PSMF1: variants seen among roughly 807,000 people sequenced by gnomAD.
PSMF1 encodes proteasome inhibitor PI31 subunit.
PSMF1 carries 30 observed loss-of-function variants against 29.3 expected under a neutral mutation model. That is an observed-to-expected ratio of 1.02 (90% CI 0.77 to 1.39). The LOEUF is 1.39. Among genes scored for constraint, PSMF1 ranks in the 40% most tolerant of loss-of-function variants. PSMF1 has a pLI of 0.00. For synonymous variants in PSMF1, 134 were observed against 139.7 expected (o/e 0.96, Z 0.29); for missense variants, 344 against 357.5 (o/e 0.96, Z 0.31).
chr20:1,147,858 TG>T (rs1213214169), intron 4 of PSMF1, among the ~76,000 whole-genome samples: 3 of 152,116 alleles, frequency 2.0e-5, no homozygotes, highest in Admixed American at 2.0e-4. Flanking sequence ...TGCCCAGTTT[TG>T]GGGGGAGGCC....
rs575553782 is a variant in PSMF1, at chr20:1,165,514, C to T, written c.*434C>T. On this transcript the variant is annotated 3_prime_UTR_variant, in exon 7 of 7. Coordinates refer to ENST00000335877, the MANE Select transcript of PSMF1 (RefSeq NM_006814.5). ...TTTTACATTAATGCATAGCTGCTTC[C>T]ATTTATGAGACTTTAGAGTTTGAGT... 3 of 1,006,274 alleles carry T rather than the reference C, an allele frequency of 3.0e-6. No homozygotes were observed. Among genetic ancestry groups the T allele is most frequent in the Admixed American group, 1.1e-4 (2 of 18,504 alleles). 62.3% of individuals were successfully genotyped at this position (1,006,274 alleles called of 1,614,324 possible). A position where few individuals can be genotyped will look rare whatever the true frequency, so the allele number is the denominator to read the frequency against.
At chr20:1,130,979 A>G (rs1267118035) in intron 3 of PSMF1, among the ~76,000 whole-genome samples, 1 of 152,164 alleles carries the variant, frequency 6.6e-6, no homozygotes, top group Non-Finnish European at 1.5e-5. Context: ...TCTGCATGCA[A>G]TAGACAAAGG....
chr20:1,129,984 T>C (rs778879712), intron 3 of PSMF1, among the ~76,000 whole-genome samples: 6 of 152,244 alleles, frequency 3.9e-5, no homozygotes, highest in Non-Finnish European at 8.8e-5. Context: ...TAGAATATTA[T>C]TCGGCTTTAA....
rs528474633 is a variant in PSMF1, at chr20:1,171,056, C to A, written c.*5976C>A. Among the ~76,000 whole-genome samples the A allele has an allele frequency of 1.8e-4, 27 of 152,238 alleles. No individual in the cohort carries two copies. The Middle Eastern group carries it at 0.014, about 77-fold the overall frequency. ...CCTCACATCCTCTCTAGGTGAGGTG[C>A]ATGGGTCCCTGGGCAAAACCCATTC... On this transcript the variant is annotated 3_prime_UTR_variant, in exon 7 of 7. Transcript: ENST00000335877.
At chr20:1,145,930 T>A (rs2086443837) in intron 4 of PSMF1, among the ~76,000 whole-genome samples, 1 of 152,246 alleles carries the variant, frequency 6.6e-6, no homozygotes, top group South Asian at 2.1e-4. Flanking sequence ...TTTTGTCTGA[T>A]GCCAAGATTA....
At position 1,166,008 on chromosome 20, in the gene PSMF1, CTG is replaced by C. The variant is rs147857520; in HGVS notation, c.*929_*930del. On this transcript the variant is annotated 3_prime_UTR_variant, in exon 7 of 7. Coordinates refer to ENST00000335877, the MANE Select transcript of PSMF1 (RefSeq NM_006814.5). Reference sequence around the variant, plus strand: ...TTCTGTGTTTGGTAACCCCTATAAACTGGGGCAGAGGAAAAGAATGATGGTTC... The same window carrying C: ...TTCTGTGTTTGGTAACCCCTATAAACGGGCAGAGGAAAAGAATGATGGTTC... The C allele has an allele frequency of 4.6e-4, 655 of 1,426,818 alleles. 4 individuals carry two copies. In the East Asian group the frequency reaches 0.015, roughly 33 times the overall value. 88.4% of individuals were successfully genotyped at this position (1,426,818 alleles called of 1,614,324 possible). A position where few individuals can be genotyped will look rare whatever the true frequency, so the allele number is the denominator to read the frequency against.
intron 4 of PSMF1, among the ~76,000 whole-genome samples, chr20:1,146,840 C>T (rs2086456039): frequency 1.3e-5 from 2 of 152,184 alleles, no homozygotes; most frequent in Admixed American, 6.5e-5. Context: ...TGAATGTGAT[C>T]GTGGATATCA....
At position 1,163,056 on chromosome 20, in the gene PSMF1, G is replaced by A. The variant is rs2086686052; in HGVS notation, c.552-74G>A. ...GCAAGGGTTTCCCATGCCTGTGAGTGTGTTTGTGATCCCACATGTATCAGG... is the reference window on the plus strand; with the variant it reads ...GCAAGGGTTTCCCATGCCTGTGAGTATGTTTGTGATCCCACATGTATCAGG... On this transcript the variant is annotated intron_variant, in intron 4 of 6. Transcript: ENST00000335877. The surrounding 1 kb of genome is among the most constrained non-coding windows in gnomAD (Gnocchi z 6.1). 18 of 1,525,784 alleles carry A rather than the reference G, an allele frequency of 1.2e-5. No homozygotes were observed. Among genetic ancestry groups the A allele is most frequent in the African/African-American group, 1.4e-5 (1 of 72,740 alleles). 94.5% of individuals were successfully genotyped at this position (1,525,784 alleles called of 1,614,324 possible).
intron 3 of PSMF1, among the ~76,000 whole-genome samples, chr20:1,134,594 A>T (rs1421438615): frequency 6.6e-6 from 1 of 152,104 alleles, no homozygotes; most frequent in East Asian, 1.9e-4. Context: ...CTTGTCTCTC[A>T]CAGGCATAGA....
In PSMF1 at chr20:1,164,546, A is replaced by T; in HGVS notation, c.764+70A>T. The T allele has an allele frequency of 1.3e-6, 2 of 1,580,196 alleles. No homozygotes were observed. The highest frequency in any genetic ancestry group is 1.7e-6 in the Non-Finnish European group (2 of 1,154,566). ...GCTTGGTTCAGTGTGGCAGCAATGA[A>T]GGTTTCTAGCCCCAGGCACAGAGCT... is the stretch of plus-strand genomic sequence containing the variant. On this transcript the variant is annotated intron_variant, in intron 6 of 6. Transcript: ENST00000335877. This position sits in a 1 kb window ranked among gnomAD's most constrained non-coding sequence, Gnocchi z 4.1.
intron 4 of PSMF1, chr20:1,161,057 C>T: frequency 2.2e-6 from 1 of 457,110 alleles, no homozygotes; most frequent in Non-Finnish European, 3.8e-6. Context: ...CGGAGTCACA[C>T]ACACGGTGCC....
chr20:1,142,085 G>T (rs2086387880), intron 4 of PSMF1, among the ~76,000 whole-genome samples: 1 of 151,996 alleles, frequency 6.6e-6, no homozygotes, highest in Non-Finnish European at 1.5e-5. Flanking sequence ...AGCCAGGTGT[G>T]GTGGCGCACG....
intron 4 of PSMF1, among the ~76,000 whole-genome samples, chr20:1,143,565 C>T (rs1005003246): frequency 6.6e-6 from 1 of 152,154 alleles, no homozygotes; most frequent in Non-Finnish European, 1.5e-5. Context: ...GTGTCTCAGG[C>T]TTGGTGAAGA....
intron 4 of PSMF1, among the ~76,000 whole-genome samples, chr20:1,136,170 G>T (rs911674602): frequency 2.0e-5 from 3 of 152,196 alleles, no homozygotes; most frequent in Non-Finnish European, 2.9e-5. Flanking sequence ...CCTGTGAAGA[G>T]AATGGAGAAT....
At chr20:1,113,683 T>C (rs1008740762), upstream of PSMF1, among the ~76,000 whole-genome samples, 1 of 151,748 alleles carries the variant, frequency 6.6e-6, no homozygotes, top group Non-Finnish European at 1.5e-5. Flanking sequence ...TTTCTTCTTC[T>C]TCTTTTTTTT....
chr20:1,165,364 G>T lies in PSMF1; in HGVS notation c.*284G>T. ...CTCTCCACTTCCCAAGGGAGACTCCGGCAACCTTCAGCAACATATATCCTC... is the reference window on the plus strand; with the variant it reads ...CTCTCCACTTCCCAAGGGAGACTCCTGCAACCTTCAGCAACATATATCCTC... On this transcript the variant is annotated 3_prime_UTR_variant, in exon 7 of 7. Coordinates refer to ENST00000335877, the MANE Select transcript of PSMF1 (RefSeq NM_006814.5). 2 of 1,338,302 alleles carry T rather than the reference G, an allele frequency of 1.5e-6. No individual in the cohort carries two copies. Among genetic ancestry groups the T allele is most frequent in the Non-Finnish European group, 1.9e-6 (2 of 1,045,282 alleles). 82.9% of individuals were successfully genotyped at this position (1,338,302 alleles called of 1,614,324 possible). A position where few individuals can be genotyped will look rare whatever the true frequency, so the allele number is the denominator to read the frequency against.
chr20:1,164,963 C>A lies in PSMF1; in HGVS notation c.765-66C>A. ...AGGGCAGGCTCCCTCAGTGCAGGGTCATGTCTGCCCATGTTCCCCTGGTCT... is the reference window on the plus strand; with the variant it reads ...AGGGCAGGCTCCCTCAGTGCAGGGTAATGTCTGCCCATGTTCCCCTGGTCT... On this transcript the variant is annotated intron_variant, in intron 6 of 6. Transcript: ENST00000335877. This position sits in a 1 kb window ranked among gnomAD's most constrained non-coding sequence, Gnocchi z 4.1. 1 of 1,374,322 alleles carries A rather than the reference C, an allele frequency of 7.3e-7. No homozygotes were observed. Among genetic ancestry groups the A allele is most frequent in the Non-Finnish European group, 1.0e-6 (1 of 962,176 alleles). The allele number at this position is 1,374,322 out of a possible 1,614,324, so 85.1% of individuals were successfully genotyped here. A position where few individuals can be genotyped will look rare whatever the true frequency, so the allele number is the denominator to read the frequency against.
At chr20:1,135,359 C>A in intron 4 of PSMF1, 53 bp downstream of exon 4, 1 of 1,505,862 alleles carries the variant, frequency 6.6e-7, no homozygotes, top group Non-Finnish European at 9.0e-7. Flanking sequence ...GGGATTCCAG[C>A]CAGCTATCCC....
chr20:1,121,540 T>G lies in PSMF1; in HGVS notation c.129+2638T>G, dbSNP rs144336770. ...TAAGAAGAGGTTTAATTTTTCAGCC[T>G]GGGGCCAGCCAACTCAGCTGACTCA... On this transcript the variant is annotated intron_variant, in intron 1 of 6. Transcript: ENST00000335877. Among the ~76,000 whole-genome samples, 784 of 152,258 alleles carry G rather than the reference T, an allele frequency of 5.1e-3. 9 individuals are homozygous for G. The highest frequency in any genetic ancestry group is 0.018 in the African/African-American group (742 of 41,540).
Sources: gnomAD v4.1 joint callset for allele counts (sites outside exome capture counted in the v4.1 genomes callset) on GRCh38, gnomAD v4.1.1 for gene constraint, Gnocchi (gnomAD v3.1) non-coding constraint, MANE v1.5 for transcripts, NCBI Gene and HGNC (gene_info 2026-07-23, HGNC 2026-07-21) for gene names.